The following SYNE1 variants were observed in gnomAD, a reference collection of about 807,000 sequenced individuals.
The protein encoded by SYNE1 is nesprin-1.
A neutral mutation model predicts 1,111.0 loss-of-function variants in SYNE1; 616 were observed. That is an observed-to-expected ratio of 0.55 (90% CI 0.52 to 0.59). The LOEUF is 0.59. Ranked by LOEUF, SYNE1 falls within the 20% of genes least tolerant of loss-of-function variation. SYNE1 has a pLI of 0.00. For synonymous variants in SYNE1, 3,855 were observed against 3,825.8 expected (o/e 1.01, Z -0.28); for missense variants, 10,006 against 10,417.0 (o/e 0.96, Z 1.72).
chr6:152,129,137 G>C (rs1383997599), intron 145 of SYNE1: 1 of 152,248 alleles, frequency 6.6e-6, no homozygotes, highest in African/African-American at 2.4e-5. Context: ...GCATGAGGAA[G>C]CACTTGCTGC....
chr6:152,397,323 C>T (rs184627555), intron 49 of SYNE1, among the ~76,000 whole-genome samples: 19 of 152,316 alleles, frequency 1.2e-4, no homozygotes, highest in Non-Finnish European at 2.4e-4. Flanking sequence ...TGGTTAGCTG[C>T]CTCCAGCCCC....
intron 3 of SYNE1, among the ~76,000 whole-genome samples, chr6:152,544,747 T>A (rs1490546272): frequency 1.3e-5 from 2 of 152,220 alleles, no homozygotes; most frequent in African/African-American, 4.8e-5. Flanking sequence ...GTTTTCTTCC[T>A]GATGAGTTAT....
chr6:152,547,940 T>A (rs2099322394), intron 3 of SYNE1, among the ~76,000 whole-genome samples: 2 of 152,184 alleles, frequency 1.3e-5, no homozygotes, highest in Admixed American at 6.5e-5. Context: ...ACTGTGGTAA[T>A]CATTTCACAA....
chr6:152,414,672 T>C (rs2098125288), intron 41 of SYNE1, among the ~76,000 whole-genome samples: 1 of 152,152 alleles, frequency 6.6e-6, no homozygotes, highest in South Asian at 2.1e-4. Context: ...GCACCCGATG[T>C]GTGACTTTGG....
At chr6:152,624,009 A>G (rs954728188) in intron 3 of SYNE1, among the ~76,000 whole-genome samples, 5 of 152,166 alleles carry the variant, frequency 3.3e-5, no homozygotes, top group Admixed American at 6.6e-5. Context: ...TTTATTACTC[A>G]TAAAAAATTT....
At position 152,444,566 on chromosome 6, in the gene SYNE1, G is replaced by A. The variant is rs571078087; in HGVS notation, c.3682C>T (p.Leu1228=). 1 of 1,610,604 alleles carries A rather than the reference G, an allele frequency of 6.2e-7. No individual in the cohort carries two copies. Among genetic ancestry groups the A allele is most frequent in the African/African-American group, 1.3e-5 (1 of 74,676 alleles). The change falls in exon 30 of 146, where the codon CTA becomes TTA. Residue 1228 remains leucine (L), a synonymous_variant. Transcript: ENST00000367255. ...VTLLSEVEKM[L]SNFGDCVQYK... is the part of the protein sequence containing the mutation. ...TGGACACAGTCCCCAAAATTGCTTAGCATCTTTTCAACCTATATTTTCATG... is the reference window on the plus strand; with the variant it reads ...TGGACACAGTCCCCAAAATTGCTTAACATCTTTTCAACCTATATTTTCATG...
intron 47 of SYNE1, among the ~76,000 whole-genome samples, chr6:152,400,830 C>A (rs17082632): frequency 0.082 from 12,398 of 151,962 alleles, 1,040 homozygotes; most frequent in African/African-American, 0.21. Context: ...GTGGAAGTCA[C>A]ATAGTTCTTC....
At position 152,122,278 on chromosome 6, in the gene SYNE1, G is replaced by A; in HGVS notation, c.*158C>T. 8.8e-7 allele frequency: 1 copy of A among 1,137,672 alleles called. No individual in the cohort carries two copies. The allele number at this position is 1,137,672 out of a possible 1,614,324, so 70.5% of individuals were successfully genotyped here. ...CCGTCACTGTTTATCTTCCACCTCT[G>A]AAGCCATAATTTGCACACATGTGAT... On this transcript the variant is annotated 3_prime_UTR_variant, in exon 146 of 146. Transcript: ENST00000367255.
chr6:152,279,164 T>TTTTTG (rs2093847844), intron 97 of SYNE1, among the ~76,000 whole-genome samples: 1 of 137,342 alleles, frequency 7.3e-6, no homozygotes, highest in Non-Finnish European at 1.5e-5. Flanking sequence ...TTTTTTTTTT[T>TTTTTG]TTGAGACAAG....
chr6:152,475,577 A>T (rs2098830307), intron 14 of SYNE1, among the ~76,000 whole-genome samples: 1 of 152,230 alleles, frequency 6.6e-6, no homozygotes, highest in Non-Finnish European at 1.5e-5. Context: ...TTGCATAAAG[A>T]TTAAACTTTC....
At chr6:152,236,760 T>C (rs767901488) in intron 109 of SYNE1, 57 bp downstream of exon 109, 50 of 1,605,254 alleles carry the variant, frequency 3.1e-5, no homozygotes, top group Non-Finnish European at 4.0e-5. Flanking sequence ...TTTGTTTACA[T>C]TCTGTTAAAA....
Position 152,293,641 on chromosome 6 carries a change from T to C in SYNE1, c.17959A>G (p.Ser5987Gly), listed in dbSNP as rs2094718093. 1 of 1,614,022 alleles carries C rather than the reference T, an allele frequency of 6.2e-7. No homozygotes were observed. The part of the protein sequence containing the change: ...TKMEAIELKL[S>G]ESPEPGRSPE... Reference sequence around the variant, plus strand: ...CTCCTGCCAGGCTCTGGGCTCTCACTGAGTTTCAGCTCAATGGCCTCCATC... The same window carrying C: ...CTCCTGCCAGGCTCTGGGCTCTCACCGAGTTTCAGCTCAATGGCCTCCATC... The change falls in exon 95 of 146, where the codon AGT becomes GGT. Residue 5987 changes from serine to glycine, a missense_variant. Coordinates refer to ENST00000367255, the MANE Select transcript of SYNE1 (RefSeq NM_182961.4).
At chr6:152,248,472 T>A (rs1175625602) in intron 105 of SYNE1, among the ~76,000 whole-genome samples, 1 of 151,572 alleles carries the variant, frequency 6.6e-6, no homozygotes, top group Non-Finnish European at 1.5e-5. Flanking sequence ...CTTTTTTTTT[T>A]AGCTAATGAG....
intron 99 of SYNE1, among the ~76,000 whole-genome samples, chr6:152,268,887 A>G (rs960033370): frequency 1.3e-5 from 2 of 152,234 alleles, no homozygotes; most frequent in Admixed American, 1.3e-4. Context: ...CAGAATAGGT[A>G]TCTCTGGTAA....
chr6:152,585,569 T>C (rs962883194), intron 3 of SYNE1, among the ~76,000 whole-genome samples: 2 of 152,362 alleles, frequency 1.3e-5, no homozygotes, highest in African/African-American at 2.4e-5. Context: ...TTATATAACT[T>C]CTGTCATATT....
intron 2 of SYNE1, among the ~76,000 whole-genome samples, chr6:152,629,996 G>C (rs2099695154): frequency 6.6e-6 from 1 of 152,090 alleles, no homozygotes; most frequent in South Asian, 2.1e-4. Flanking sequence ...GCTCATGAAG[G>C]ATTGGTTAAA....
Position 152,487,422 on chromosome 6 carries a change from A to G in SYNE1, c.1047+974T>C, listed in dbSNP as rs141411527. The stretch of plus-strand genomic sequence containing the variant: ...GCCTAGTATTCCATGGTGTATATGT[A>G]CCAGATTTTATTTCTCCAGTCTACA... On this transcript the variant is annotated intron_variant, in intron 12 of 145. Transcript: ENST00000367255. 7.7e-3 allele frequency among the ~76,000 whole-genome samples: 1,174 copies of G among 152,276 alleles called. 15 individuals are homozygous for G. The highest frequency in any genetic ancestry group is 0.027 in the African/African-American group (1,114 of 41,556).
intron 11 of SYNE1, 40 bp downstream of exon 11, chr6:152,498,702 T>A (rs2099012629): frequency 1.0e-5 from 14 of 1,403,118 alleles, no homozygotes; most frequent in Non-Finnish European, 1.4e-5. Context: ...ATGCAGGATG[T>A]TTGAAAGAGG....
intron 91 of SYNE1, among the ~76,000 whole-genome samples, chr6:152,305,988 AT>A (rs2095360730): frequency 6.6e-6 from 1 of 152,124 alleles, no homozygotes; most frequent in South Asian, 2.1e-4. Flanking sequence ...GGACTCATTT[AT>A]TTTCCTGGGA....
Sources: allele counts gnomAD v4.1 joint callset (sites outside exome capture counted in the v4.1 genomes callset), GRCh38; gene constraint gnomAD v4.1.1; transcripts MANE v1.5; gene names NCBI Gene and HGNC (gene_info 2026-07-23, HGNC 2026-07-21).